CTBS: variants seen among roughly 807,000 people sequenced by gnomAD.
The protein encoded by CTBS is chitobiase.
Under a neutral mutation model 44.3 loss-of-function variants are expected in CTBS, and 35 were observed. The ratio of observed to expected loss-of-function variants is 0.79; its 90% CI spans 0.60 to 1.05. The LOEUF (loss-of-function observed/expected upper bound fraction) is 1.05. Ranked by LOEUF, CTBS falls within the 50% of genes least tolerant of loss-of-function variation. The probability of loss-of-function intolerance (pLI) is 0.00; values close to 1 mark genes in which losing one functional copy is unlikely to be tolerated. For synonymous variants in CTBS, 143 were observed against 168.0 expected (o/e 0.85, Z 1.15); for missense variants, 458 against 475.3 (o/e 0.96, Z 0.34).
chr1:84,559,129 A>G (rs1171733772), intron 6 of CTBS, among the ~76,000 whole-genome samples: 1 of 152,186 alleles, frequency 6.6e-6, no homozygotes, highest in African/African-American at 2.4e-5. Flanking sequence ...TGGCAACTCT[A>G]TTGAACAAGT....
At chr1:84,560,094 AAAAAAAGAAAG>A (rs1157129055) in intron 6 of CTBS, among the ~76,000 whole-genome samples, 15 of 132,028 alleles carry the variant, frequency 1.1e-4, no homozygotes, top group African/African-American at 4.7e-4. Flanking sequence ...AAAAAAAAAA[AAAAAAAGAAAG>A]AAAGAAAGAA....
chr1:84,564,745 C>A (rs1684659947), intron 4 of CTBS, among the ~76,000 whole-genome samples: 1 of 152,006 alleles, frequency 6.6e-6, no homozygotes, highest in Non-Finnish European at 1.5e-5. Context: ...AGTTATTTTT[C>A]AACTTTAAAT....
At chr1:84,558,581 G>A (rs1018555804) in intron 6 of CTBS, among the ~76,000 whole-genome samples, 4 of 147,682 alleles carry the variant, frequency 2.7e-5, no homozygotes, top group South Asian at 2.2e-4. Flanking sequence ...GTGAGCCACC[G>A]CGCCCGGCCA....
intron 1 of CTBS, 150 bp downstream of exon 1, chr1:84,574,089 A>C (rs553135814): frequency 6.8e-7 from 1 of 1,460,680 alleles, no homozygotes; most frequent in East Asian, 2.5e-5. Context: ...CCTCATCTAT[A>C]AATTGAAGGA....
chr1:84,574,347 C>T lies in CTBS; in HGVS notation c.69G>A (p.Ala23=). 7.4e-7 allele frequency: 1 copy of T among 1,351,384 alleles called. No homozygotes were observed. Among genetic ancestry groups the T allele is most frequent in the South Asian group, 1.4e-5 (1 of 73,708 alleles). The allele number at this position is 1,351,384 out of a possible 1,614,324, so 83.7% of individuals were successfully genotyped here. ...SSPPSGVPGL[A]LLALLALLAL... ...CCAGCAGCGCCAGCAGCGCCAGCAG[C>T]GCTAGACCCGGGACGCCGCTCGGCG... Residue 23 remains alanine, a synonymous_variant, in exon 1 of 7, where the codon GCG becomes GCA. Coordinates refer to ENST00000370630, the MANE Select transcript of CTBS (RefSeq NM_004388.3).
chr1:84,565,791 T>C lies in CTBS; in HGVS notation c.697+50A>G, dbSNP rs760870585. On this transcript the variant is annotated intron_variant, in intron 4 of 6. Coordinates refer to ENST00000370630, the MANE Select transcript of CTBS (RefSeq NM_004388.3). ...CTAAAAACATCTTAATATTTTAATT[T>C]ATAGAATATTATTAATATTATTAAT... 1.1e-5 allele frequency: 11 copies of C among 999,752 alleles called. No individual in the cohort carries two copies. The East Asian group carries it at 1.5e-4, about 13-fold the overall frequency. The allele number at this position is 999,752 out of a possible 1,614,324, so 61.9% of individuals were successfully genotyped here.
intron 3 of CTBS, among the ~76,000 whole-genome samples, chr1:84,567,063 T>G (rs1684714213): frequency 1.3e-5 from 2 of 152,120 alleles, no homozygotes; most frequent in African/African-American, 4.8e-5. Context: ...AAGGTTGTTT[T>G]CCCCCCTTAA....
At chr1:84,569,417 G>A (rs1166062409) in intron 3 of CTBS, among the ~76,000 whole-genome samples, 1 of 152,202 alleles carries the variant, frequency 6.6e-6, no homozygotes, top group African/African-American at 2.4e-5. Context: ...TGTCTGGCAA[G>A]ATAGCTTGTG....
intron 6 of CTBS, among the ~76,000 whole-genome samples, 156 bp downstream of exon 6, chr1:84,563,101 T>C (rs536897003): frequency 8.7e-4 from 133 of 152,222 alleles, no homozygotes; most frequent in Admixed American, 2.3e-3. Context: ...AAGTTCCTGA[T>C]TACAGATTCA....
chr1:84,573,867 C>G, intron 1 of CTBS: 1 of 1,102,026 alleles, frequency 9.1e-7, no homozygotes, highest in Non-Finnish European at 1.1e-6. Flanking sequence ...TGCTGAGATT[C>G]TTTCAAACGA....
chr1:84,567,450 TTATTATA>T (rs1684722017), intron 3 of CTBS, among the ~76,000 whole-genome samples: 1 of 152,234 alleles, frequency 6.6e-6, no homozygotes, highest in African/African-American at 2.4e-5. Flanking sequence ...GATGGTACTA[TTATTATA>T]TTAGACAAGA....
chr1:84,551,359 A>G lies in CTBS; in HGVS notation c.*3640T>C. Reference sequence around the variant, plus strand: ...GAAAATCAGTACTGTCCTCGGTTTCAGATAAAAATAAAAATAAATAAAATT... The same window carrying G: ...GAAAATCAGTACTGTCCTCGGTTTCGGATAAAAATAAAAATAAATAAAATT... On this transcript the variant is annotated 3_prime_UTR_variant, in exon 7 of 7. Transcript: ENST00000370630. 2.5e-6 allele frequency: 2 copies of G among 807,016 alleles called. No homozygotes were observed. Among genetic ancestry groups the G allele is most frequent in the Non-Finnish European group, 3.0e-6 (2 of 667,670 alleles). 50.0% of individuals were successfully genotyped at this position (807,016 alleles called of 1,614,324 possible).
chr1:84,559,942 C>T lies in CTBS; in HGVS notation c.957+3315G>A, dbSNP rs936466333. Among the ~76,000 whole-genome samples, 13 of 151,584 alleles carry T rather than the reference C, an allele frequency of 8.6e-5. 1 individual carries two copies. The highest frequency in any genetic ancestry group is 3.4e-3 in the Middle Eastern group (1 of 290). ...TCTACTAAAAATATAAAAATTAGCCCGGCATAGTGGCGGGCACCTGTAATC... is the reference window on the plus strand; with the variant it reads ...TCTACTAAAAATATAAAAATTAGCCTGGCATAGTGGCGGGCACCTGTAATC... On this transcript the variant is annotated intron_variant, in intron 6 of 6. Transcript: ENST00000370630.
rs573360759 is a variant in CTBS at position 84,572,968 on chromosome 1, G to A, written c.177+1271C>T. 5.3e-5 allele frequency among the ~76,000 whole-genome samples: 8 copies of A among 152,236 alleles called. No homozygotes were observed. The East Asian group carries it at 1.4e-3, about 26-fold the overall frequency. ...TGCTTCTCAATCTCAAAAAGAGATT[G>A]AGAAAATTAAGAAATGTCTGGTTGA... On this transcript the variant is annotated intron_variant, in intron 1 of 6. Coordinates refer to ENST00000370630, the MANE Select transcript of CTBS (RefSeq NM_004388.3).
chr1:84,556,075 T>C (rs1684421473), intron 6 of CTBS: 1 of 152,188 alleles, frequency 6.6e-6, no homozygotes, highest in South Asian at 2.1e-4. Flanking sequence ...TGACTTAACA[T>C]ACACCTGATT....
chr1:84,574,334 GCA>G lies in CTBS; in HGVS notation c.80_81del (p.Leu27ProfsTer20). ...GCGAGCCGCAGCGCCAGCAGCGCCA[GCA>G]GCGCCAGCAGCGCTAGACCCGGGAC... ...SGVPGLALLA[L>X]LALLALRLAA... On this transcript the variant is annotated frameshift_variant, in exon 1 of 7. Transcript: ENST00000370630. LOFTEE classifies it high-confidence loss of function. 1 of 1,572,262 alleles carries G rather than the reference GCA, an allele frequency of 6.4e-7. No homozygotes were observed. The highest frequency in any genetic ancestry group is 8.6e-7 in the Non-Finnish European group (1 of 1,159,698).
At chr1:84,557,678 A>G (rs1226461008) in intron 6 of CTBS, among the ~76,000 whole-genome samples, 1 of 151,478 alleles carries the variant, frequency 6.6e-6, no homozygotes, top group Non-Finnish European at 1.5e-5. Flanking sequence ...ACACAGTGAA[A>G]CCCCGTCTCT....
At chr1:84,559,691 T>TA (rs994367633) in intron 6 of CTBS, among the ~76,000 whole-genome samples, 1 of 152,010 alleles carries the variant, frequency 6.6e-6, no homozygotes, top group South Asian at 2.1e-4. Context: ...TTGCAATGAA[T>TA]AAAAAAGAGG....
intron 3 of CTBS, among the ~76,000 whole-genome samples, chr1:84,569,687 T>C (rs1342610803): frequency 2.0e-5 from 3 of 152,210 alleles, no homozygotes; most frequent in Admixed American, 2.0e-4. Flanking sequence ...CTTCTAACTG[T>C]GCTACAAGGC....
Sources: gnomAD v4.1 joint callset for allele counts (sites outside exome capture counted in the v4.1 genomes callset) on GRCh38, gnomAD v4.1.1 for gene constraint, MANE v1.5 for transcripts, NCBI Gene and HGNC (gene_info 2026-07-23, HGNC 2026-07-21) for gene names.